ADAM18: variants seen among roughly 807,000 people sequenced by gnomAD.
ADAM18 encodes ADAM metallopeptidase domain 18.
ADAM18 carries 117 observed loss-of-function variants against 94.4 expected under a neutral mutation model. That is an observed-to-expected ratio of 1.24 (90% CI 1.07 to 1.45). ADAM18 has a LOEUF of 1.45. ADAM18 is among the 40% of genes most tolerant of loss of function. ADAM18 has a pLI of 0.00. For synonymous variants in ADAM18, 327 were observed against 291.6 expected (o/e 1.12, Z -1.24); for missense variants, 936 against 880.0 (o/e 1.06, Z -0.81).
intron 6 of ADAM18, among the ~76,000 whole-genome samples, chr8:39,612,803 C>G (rs990299770): frequency 1.6e-4 from 25 of 152,294 alleles, no homozygotes; most frequent in African/African-American, 5.8e-4. Context: ...GCCATAGCTC[C>G]TTCATCAGCA....
intron 16 of ADAM18, among the ~76,000 whole-genome samples, chr8:39,681,154 A>T (rs1821445299): frequency 6.6e-6 from 1 of 152,228 alleles, no homozygotes; most frequent in South Asian, 2.1e-4. Context: ...AGATGAGAAA[A>T]GACAGTGACT....
intron 6 of ADAM18, among the ~76,000 whole-genome samples, chr8:39,621,854 A>G (rs560925787): frequency 2.0e-5 from 3 of 152,316 alleles, no homozygotes; most frequent in Middle Eastern, 3.4e-3. Context: ...ATGTTCTTTT[A>G]TAAGTGGGAG....
intron 17 of ADAM18, among the ~76,000 whole-genome samples, chr8:39,703,981 G>A (rs1822157582): frequency 6.6e-6 from 1 of 151,832 alleles, no homozygotes; most frequent in Non-Finnish European, 1.5e-5. Flanking sequence ...ATAAATTCCT[G>A]GACACATACA....
intron 6 of ADAM18, among the ~76,000 whole-genome samples, chr8:39,622,078 C>A (rs1819631485): frequency 6.6e-6 from 1 of 151,996 alleles, no homozygotes; most frequent in Non-Finnish European, 1.5e-5. Context: ...TACCCCTGAA[C>A]TTAAAATAAA....
intron 18 of ADAM18, among the ~76,000 whole-genome samples, chr8:39,711,032 G>A (rs1308136696): frequency 6.6e-6 from 1 of 152,196 alleles, no homozygotes; most frequent in Admixed American, 6.5e-5. Context: ...GAATAGAAGA[G>A]TTAAGAGTTA....
chr8:39,617,285 C>G (rs1819470514), intron 6 of ADAM18, among the ~76,000 whole-genome samples: 1 of 152,030 alleles, frequency 6.6e-6, no homozygotes, highest in Admixed American at 6.6e-5. Context: ...AAATCATAAC[C>G]ACAATGAGAT....
At chr8:39,673,138 T>C (rs1821203613) in intron 14 of ADAM18, among the ~76,000 whole-genome samples, 1 of 152,168 alleles carries the variant, frequency 6.6e-6, no homozygotes, top group South Asian at 2.1e-4. Flanking sequence ...CATTTAATTA[T>C]TCAATATGAT....
intron 17 of ADAM18, among the ~76,000 whole-genome samples, chr8:39,695,540 A>T (rs865934239): frequency 1.3e-5 from 2 of 151,468 alleles, no homozygotes; most frequent in Middle Eastern, 6.8e-3. Flanking sequence ...ATCTTCTATG[A>T]TGAAGCATCT....
intron 7 of ADAM18, among the ~76,000 whole-genome samples, chr8:39,633,055 C>A (rs561768591): frequency 1.3e-5 from 2 of 152,126 alleles, no homozygotes; most frequent in Non-Finnish European, 2.9e-5. Context: ...CTGTAGCTTG[C>A]CTTTCTGCTT....
chr8:39,615,271 A>C (rs1819404223), intron 6 of ADAM18, among the ~76,000 whole-genome samples: 2 of 152,172 alleles, frequency 1.3e-5, no homozygotes, highest in Admixed American at 1.3e-4. Context: ...AACACAGTAC[A>C]ATAAAGATAG....
At chr8:39,719,983 G>A (rs756645522) in intron 18 of ADAM18, among the ~76,000 whole-genome samples, 1 of 151,150 alleles carries the variant, frequency 6.6e-6, no homozygotes, top group Non-Finnish European at 1.5e-5. Context: ...GATAAAATCT[G>A]GTAACAATGT....
intron 16 of ADAM18, among the ~76,000 whole-genome samples, chr8:39,690,933 A>G (rs1349379248): frequency 2.6e-5 from 4 of 152,224 alleles, no homozygotes; most frequent in South Asian, 4.1e-4. Context: ...TATTCACAAT[A>G]GCAAAGACAT....
In ADAM18 at chr8:39,586,405, C is replaced by T. The variant is rs183852409; in HGVS notation, c.132+1053C>T. On this transcript the variant is annotated intron_variant, in intron 2 of 19. Coordinates refer to ENST00000265707, the MANE Select transcript of ADAM18 (RefSeq NM_014237.3). ...GAGTCTAATCTTTAATTTTTAACTC[C>T]ATTTCCACTACAGTAAGCTGCTTTC... Among the ~76,000 whole-genome samples, 324 of 152,230 alleles carry T rather than the reference C, an allele frequency of 2.1e-3. 2 individuals carry two copies. The highest frequency in any genetic ancestry group is 2.4e-3 in the Non-Finnish European group (166 of 68,004).
At chr8:39,626,850 A>G (rs1819783451) in intron 6 of ADAM18, among the ~76,000 whole-genome samples, 1 of 152,078 alleles carries the variant, frequency 6.6e-6, no homozygotes. Flanking sequence ...AGAATGTTCT[A>G]TGTGTTGATG....
intron 4 of ADAM18, 54 bp from the exon 5 acceptor site, chr8:39,609,431 A>G (rs1212238122): frequency 3.3e-6 from 4 of 1,217,854 alleles, no homozygotes; most frequent in Non-Finnish European, 4.8e-6. Context: ...GTTTGACAAT[A>G]CATTTTTTAT....
intron 12 of ADAM18, among the ~76,000 whole-genome samples, chr8:39,651,569 C>T (rs557388318): frequency 1.3e-5 from 2 of 150,398 alleles, no homozygotes; most frequent in Non-Finnish European, 2.9e-5. Context: ...ACATCCTGCA[C>T]AGCCCTTAAT....
rs141455744 is a variant in ADAM18 at position 39,635,518 on chromosome 8, A to G, written c.589-1746A>G. ...TCTTTTCACAACTTCTCCTAAGTTA[A>G]CTTCTTATATAATCATAATATAGTA... On this transcript the variant is annotated intron_variant, in intron 7 of 19. Transcript: ENST00000265707. Among the ~76,000 whole-genome samples the G allele has an allele frequency of 2.6e-3, 392 of 152,328 alleles. 5 individuals carry two copies. The highest frequency in any genetic ancestry group is 9.0e-3 in the African/African-American group (376 of 41,586).
At position 39,644,725 on chromosome 8, in the gene ADAM18, A is replaced by G. The variant is rs1379295853; in HGVS notation, c.910-613A>G. On this transcript the variant is annotated intron_variant, in intron 10 of 19. Transcript: ENST00000265707. The stretch of plus-strand genomic sequence containing the variant: ...TATACATAATGTTGGGTCATTTCCC[A>G]TACTTTGTATCTCAGCCTAAATATA... Among the ~76,000 whole-genome samples the G allele has an allele frequency of 2.0e-5, 3 of 152,270 alleles. No individual in the cohort carries two copies. In the East Asian group the frequency reaches 5.8e-4, roughly 29 times the overall value.
At chr8:39,585,759 C>T (rs954647485) in intron 2 of ADAM18, among the ~76,000 whole-genome samples, 5 of 151,762 alleles carry the variant, frequency 3.3e-5, no homozygotes, top group African/African-American at 4.8e-5. Context: ...CTTAATAGCA[C>T]GTAATGTACA....
Sources: gnomAD v4.1 joint callset for allele counts (sites outside exome capture counted in the v4.1 genomes callset) on GRCh38, gnomAD v4.1.1 for gene constraint, MANE v1.5 for transcripts, NCBI Gene and HGNC (gene_info 2026-07-23, HGNC 2026-07-21) for gene names.